The following DNAH3 variants were observed in gnomAD, a reference collection of about 807,000 sequenced individuals.
The protein encoded by DNAH3 is dynein axonemal heavy chain 3, also known as axonemal beta dynein heavy chain 3.
Under a neutral mutation model 432.5 loss-of-function variants are expected in DNAH3, and 332 were observed. That is an observed-to-expected ratio of 0.77 (90% CI 0.70 to 0.84). The LOEUF (loss-of-function observed/expected upper bound fraction) is 0.84. Among genes scored for constraint, DNAH3 ranks in the 40% least tolerant of loss-of-function variants. DNAH3 has a pLI of 0.00. For missense variants in DNAH3, 4,861 were observed against 5,114.0 expected, an observed-to-expected ratio of 0.95 and a Z score of 1.51; for synonymous variants, 1,956 against 1,900.2, an observed-to-expected ratio of 1.03 and a Z score of -0.76.
intron 7 of DNAH3, among the ~76,000 whole-genome samples, chr16:21,132,171 A>G (rs1017038515): frequency 1.3e-5 from 2 of 152,172 alleles, no homozygotes; most frequent in African/African-American, 4.8e-5. Flanking sequence ...TCACCCCCTC[A>G]ATTCCTTTTT....
chr16:21,117,157 C>A, intron 12 of DNAH3, 46 bp downstream of exon 12: 1 of 1,353,354 alleles, frequency 7.4e-7, no homozygotes, highest in South Asian at 1.3e-5. Context: ...AACACCAAAT[C>A]AATCCCAAAA....
At position 21,070,830 on chromosome 16, in the gene DNAH3, T is replaced by C. The variant is rs761756655; in HGVS notation, c.3085-4A>G. ...TTGCACACAAGATGTTTGTATCCTG[T>C]AAATAAAGATGCCCCACCCTGTCAA... is the stretch of plus-strand genomic sequence containing the variant. On this transcript the variant is annotated splice_region_variant and splice_polypyrimidine_tract_variant and intron_variant, in intron 21 of 61. Transcript: ENST00000261383. 1 of 1,529,230 alleles carries C rather than the reference T, an allele frequency of 6.5e-7. No homozygotes were observed. The highest frequency in any genetic ancestry group is 2.2e-5 in the East Asian group (1 of 44,454). The allele number at this position is 1,529,230 out of a possible 1,614,324, so 94.7% of individuals were successfully genotyped here. A position where few individuals can be genotyped will look rare whatever the true frequency, so the allele number is the denominator to read the frequency against.
chr16:21,108,656 T>A (rs1247228645), intron 14 of DNAH3, among the ~76,000 whole-genome samples: 1 of 152,172 alleles, frequency 6.6e-6, no homozygotes, highest in South Asian at 2.1e-4. Context: ...GGCAGGAGGA[T>A]GACATGAGCC....
chr16:20,937,260 T>G (rs1596857092), intron 59 of DNAH3, among the ~76,000 whole-genome samples: 1 of 152,076 alleles, frequency 6.6e-6, no homozygotes, highest in East Asian at 1.9e-4. Flanking sequence ...GCTCAAGTGA[T>G]CCTCCTGCCT....
At chr16:20,951,311 C>G (rs2084297369) in intron 56 of DNAH3, among the ~76,000 whole-genome samples, 1 of 151,972 alleles carries the variant, frequency 6.6e-6, no homozygotes, top group Admixed American at 6.6e-5. Context: ...AACTCCTACT[C>G]ACCCCCAAAA....
chr16:21,103,733 T>C (rs898644479), intron 16 of DNAH3, among the ~76,000 whole-genome samples: 9 of 152,064 alleles, frequency 5.9e-5, no homozygotes, highest in African/African-American at 1.9e-4. Context: ...GCAGCTCAAG[T>C]TGGGAGTGGG....
exon 26 of DNAH3, chr16:21,060,292 A>C (rs145553742): frequency 3.8e-5 from 62 of 1,613,928 alleles, no homozygotes; most frequent in Non-Finnish European, 4.9e-5. Context: ...CCCAAGTCCA[A>C]TGACTTCTCG....
At chr16:20,980,188 TAA>T (rs1440328478) in intron 49 of DNAH3, among the ~76,000 whole-genome samples, 2 of 136,970 alleles carry the variant, frequency 1.5e-5, no homozygotes, top group African/African-American at 2.7e-5. Flanking sequence ...TATATATATA[TAA>T]TTTTATTATA....
chr16:21,041,339 C>A (rs1355419326), intron 32 of DNAH3, among the ~76,000 whole-genome samples: 2 of 152,188 alleles, frequency 1.3e-5, no homozygotes, highest in East Asian at 3.9e-4. Flanking sequence ...CCACTGCATT[C>A]CAGCCTGGGG....
chr16:21,143,384 C>T (rs1188833297), intron 3 of DNAH3, among the ~76,000 whole-genome samples: 3 of 152,138 alleles, frequency 2.0e-5, no homozygotes, highest in Non-Finnish European at 2.9e-5. Context: ...CCCCTTCTCC[C>T]ATGTGAGCAT....
chr16:21,046,232 T>C lies in DNAH3; in HGVS notation c.4461+3337A>G, dbSNP rs1472261752. ...TGAGTTCAATTCCTGGGTATCCTTGTTGACTTTCTGTCTCATTGATCTGTC... is the reference window on the plus strand; with the variant it reads ...TGAGTTCAATTCCTGGGTATCCTTGCTGACTTTCTGTCTCATTGATCTGTC... On this transcript the variant is annotated intron_variant, in intron 31 of 61. Coordinates refer to ENST00000261383, the Ensembl canonical transcript of DNAH3. Among the ~76,000 whole-genome samples the C allele has an allele frequency of 3.7e-3, 525 of 140,528 alleles. 5 individuals are homozygous for C. Among genetic ancestry groups the C allele is most frequent in the African/African-American group, 0.013 (501 of 37,494 alleles). 92.2% of individuals were successfully genotyped at this position (140,528 alleles called of 152,430 possible).
At position 21,021,963 on chromosome 16, in the gene DNAH3, GC is replaced by G; in HGVS notation, c.5776+7del. The G allele has an allele frequency of 6.2e-7, 1 of 1,613,540 alleles. No homozygotes were observed. Among genetic ancestry groups the G allele is most frequent in the Non-Finnish European group, 8.5e-7 (1 of 1,179,880 alleles). The stretch of plus-strand genomic sequence containing the variant: ...CCATGTGGCTTAAGAATCATGGCTA[GC>G]ACTTACCAAGCAGAGAAGAGTACAG... On this transcript the variant is annotated splice_region_variant and intron_variant, in intron 40 of 61. Transcript: ENST00000261383.
At chr16:20,993,945 G>A (rs2086659726) in intron 44 of DNAH3, among the ~76,000 whole-genome samples, 1 of 152,004 alleles carries the variant, frequency 6.6e-6, no homozygotes, top group Non-Finnish European at 1.5e-5. Context: ...TATACAATGT[G>A]CTCTTCCAGT....
At position 20,959,650 on chromosome 16, in the gene DNAH3, CA is replaced by C. The variant is rs1567529782; in HGVS notation, c.10601-247del. 3.4e-3 allele frequency among the ~76,000 whole-genome samples: 516 copies of C among 150,346 alleles called. 1 individual carries two copies. Among genetic ancestry groups the C allele is most frequent in the Non-Finnish European group, 5.4e-3 (364 of 67,422 alleles). On this transcript the variant is annotated intron_variant, in intron 53 of 61. Transcript: ENST00000261383. ...ACACACACACACACACACACACACA[CA>C]CACACCCCAACACAAAAGGTGGGGT...
rs952672402 is a variant in DNAH3 at position 20,974,581 on chromosome 16, T to TG, written c.8259+651_8259+652insC. On this transcript the variant is annotated intron_variant, in intron 51 of 61. Coordinates refer to ENST00000261383, the Ensembl canonical transcript of DNAH3. ...ACTACACCTGGCTGTTTTATAGTGT[T>TG]TTTTTTTTTTTTTTTTTTTTGTAGA... is the stretch of plus-strand genomic sequence containing the variant. Among the ~76,000 whole-genome samples, 132 of 129,796 alleles carry TG rather than the reference T, an allele frequency of 1.0e-3. 6 individuals are homozygous for TG. The South Asian group carries it at 0.035, about 35-fold the overall frequency. 85.2% of individuals were successfully genotyped at this position (129,796 alleles called of 152,430 possible).
At chr16:20,972,139 G>A (rs112747590) in intron 51 of DNAH3, among the ~76,000 whole-genome samples, 5 of 152,338 alleles carry the variant, frequency 3.3e-5, no homozygotes, top group Middle Eastern at 3.4e-3. Flanking sequence ...AGTGCAACCC[G>A]GGAGGGCAGC....
intron 24 of DNAH3, among the ~76,000 whole-genome samples, chr16:21,066,247 A>G (rs2090544669): frequency 1.3e-5 from 2 of 152,066 alleles, no homozygotes. Flanking sequence ...TTAAAGGTAA[A>G]TTAGGATCAA....
At chr16:20,961,039 A>C (rs1457570909) in intron 53 of DNAH3, among the ~76,000 whole-genome samples, 2 of 152,274 alleles carry the variant, frequency 1.3e-5, no homozygotes, top group Middle Eastern at 3.4e-3. Context: ...CTGCTAAACA[A>C]CACAAATTTG....
At chr16:21,104,642 G>A (rs577638545) in intron 15 of DNAH3, 48 bp from the exon 16 acceptor site, 484 of 1,160,272 alleles carry the variant, frequency 4.2e-4, no homozygotes, top group Non-Finnish European at 6.0e-4. Flanking sequence ...AGCATAGGTC[G>A]GGTCAGCATG....
Sources: gnomAD v4.1 joint callset for allele counts (sites outside exome capture counted in the v4.1 genomes callset) on GRCh38, gnomAD v4.1.1 for gene constraint, MANE v1.5 for transcripts, NCBI Gene and HGNC (gene_info 2026-07-23, HGNC 2026-07-21) for gene names.